Variants in MMP26 observed in about 807,000 individuals in gnomAD.
The protein encoded by MMP26 is matrix metalloproteinase-26.
Under a neutral mutation model 31.0 loss-of-function variants are expected in MMP26, and 33 were observed. That is an observed-to-expected ratio of 1.06 (90% CI 0.81 to 1.42). The LOEUF is 1.42. Among genes scored for constraint, MMP26 ranks in the 40% most tolerant of loss-of-function variants. MMP26 has a pLI of 0.00. For synonymous variants in MMP26, 122 were observed against 114.9 expected (o/e 1.06, Z -0.40); for missense variants, 347 against 316.1 (o/e 1.10, Z -0.74).
intron 2 of MMP26, chr11:4,849,054 G>T (rs35918613): frequency 1.9e-6 from 3 of 1,613,916 alleles, no homozygotes; most frequent in Admixed American, 1.7e-5. Flanking sequence ...CCAGAGGATG[G>T]TGCCATTTCC....
intron 2 of MMP26, among the ~76,000 whole-genome samples, chr11:4,961,413 A>T (rs770865727): frequency 8.5e-5 from 13 of 152,158 alleles, no homozygotes; most frequent in Non-Finnish European, 1.5e-4. Context: ...TCTTACACGC[A>T]CACACTGATC....
intron 2 of MMP26, among the ~76,000 whole-genome samples, chr11:4,815,606 A>C (rs992110227): frequency 6.6e-6 from 1 of 152,202 alleles, no homozygotes; most frequent in South Asian, 2.1e-4. Context: ...GACAGGGAAC[A>C]CAGCAAATTT....
At chr11:4,880,502 G>A (rs536768544) in intron 2 of MMP26, among the ~76,000 whole-genome samples, 1 of 152,154 alleles carries the variant, frequency 6.6e-6, no homozygotes, top group South Asian at 2.1e-4. Context: ...AGAGAAAAAG[G>A]CAAAAGACGA....
intron 2 of MMP26, among the ~76,000 whole-genome samples, chr11:4,931,301 A>G (rs1251019910): frequency 3.3e-5 from 5 of 152,038 alleles, no homozygotes; most frequent in Non-Finnish European, 7.4e-5. Context: ...GAATTGGTAA[A>G]CATCCCACTT....
intron 2 of MMP26, among the ~76,000 whole-genome samples, chr11:4,986,201 A>AT (rs957961501): frequency 6.6e-6 from 1 of 151,752 alleles, no homozygotes; most frequent in Non-Finnish European, 1.5e-5. Context: ...TTTGAGTCTC[A>AT]TTTTTTTTAA....
chr11:4,718,682 C>G (rs1317400703), intron 1 of MMP26: 1 of 155,186 alleles, frequency 6.4e-6, no homozygotes, highest in Non-Finnish European at 1.5e-5. Flanking sequence ...GGGCTGGAAG[C>G]CTTCCACACC....
At chr11:4,880,431 GA>G (rs1850443466) in intron 2 of MMP26, among the ~76,000 whole-genome samples, 2 of 152,150 alleles carry the variant, frequency 1.3e-5, no homozygotes, top group East Asian at 1.9e-4. Flanking sequence ...TGAAGAAAGG[GA>G]GGGGTGTAAC....
chr11:4,784,837 G>A (rs546987949), intron 2 of MMP26, among the ~76,000 whole-genome samples: 11 of 152,238 alleles, frequency 7.2e-5, no homozygotes, highest in African/African-American at 2.6e-4. Flanking sequence ...CGTAATAATT[G>A]TACATATTTA....
intron 2 of MMP26, among the ~76,000 whole-genome samples, chr11:4,833,723 G>A (rs1180937249): frequency 6.6e-6 from 1 of 152,108 alleles, no homozygotes; most frequent in Non-Finnish European, 1.5e-5. Context: ...GATGTGAAAG[G>A]GAAACATAGA....
At chr11:4,956,756 T>A (rs1846449592) in intron 2 of MMP26, among the ~76,000 whole-genome samples, 1 of 152,138 alleles carries the variant, frequency 6.6e-6, no homozygotes, top group African/African-American at 2.4e-5. Context: ...CTTAGACAAG[T>A]TTTTCTCCCT....
At chr11:4,888,536 TA>T (rs1850574201) in intron 2 of MMP26, among the ~76,000 whole-genome samples, 1 of 152,122 alleles carries the variant, frequency 6.6e-6, no homozygotes, top group Admixed American at 6.6e-5. Context: ...ATCAGTGCTT[TA>T]AAAAATGCTG....
At chr11:4,827,603 C>T (rs1849594957) in intron 2 of MMP26, among the ~76,000 whole-genome samples, 1 of 151,598 alleles carries the variant, frequency 6.6e-6, no homozygotes, top group Non-Finnish European at 1.5e-5. Context: ...AGTTTACACC[C>T]TTTTATGTTA....
intron 2 of MMP26, among the ~76,000 whole-genome samples, chr11:4,863,103 C>T (rs1171114979): frequency 2.6e-5 from 4 of 152,090 alleles, no homozygotes; most frequent in African/African-American, 7.2e-5. Flanking sequence ...TTTAACATTC[C>T]TTAAGTTCTG....
At chr11:4,915,034 A>C in intron 2 of MMP26, 1 of 1,614,166 alleles carries the variant, frequency 6.2e-7, no homozygotes, top group Non-Finnish European at 8.5e-7. Context: ...TACCCACTGT[A>C]GAGACGATGA....
At chr11:4,844,549 G>T (rs1258017669) in intron 2 of MMP26, among the ~76,000 whole-genome samples, 1 of 152,048 alleles carries the variant, frequency 6.6e-6, no homozygotes, top group African/African-American at 2.4e-5. Flanking sequence ...AAAAACATTA[G>T]AAAGATAATT....
intron 2 of MMP26, among the ~76,000 whole-genome samples, chr11:4,900,532 C>T (rs1443909702): frequency 6.6e-6 from 1 of 152,100 alleles, no homozygotes; most frequent in Non-Finnish European, 1.5e-5. Context: ...TTCATCCTGC[C>T]ACTATAGCTA....
At chr11:4,921,329 C>T (rs1851181298) in intron 2 of MMP26, among the ~76,000 whole-genome samples, 1 of 152,096 alleles carries the variant, frequency 6.6e-6, no homozygotes, top group African/African-American at 2.4e-5. Context: ...CTGACTTTTC[C>T]AAAAGAGGCC....
chr11:4,716,629 CAT>C (rs1847933351), intron 1 of MMP26, among the ~76,000 whole-genome samples: 1 of 138,036 alleles, frequency 7.2e-6, no homozygotes, highest in Non-Finnish European at 1.5e-5. Flanking sequence ...AAGATAATTC[CAT>C]ACTTGATCTC....
intron 1 of MMP26, among the ~76,000 whole-genome samples, chr11:4,721,200 G>A (rs1848007205): frequency 6.6e-6 from 1 of 152,182 alleles, no homozygotes; most frequent in South Asian, 2.1e-4. Context: ...CCACAATGGA[G>A]TAAGGTGCTT....
Sources: allele counts gnomAD v4.1 joint callset (sites outside exome capture counted in the v4.1 genomes callset), GRCh38; gene constraint gnomAD v4.1.1; transcripts MANE v1.5; gene names NCBI Gene and HGNC (gene_info 2026-07-23, HGNC 2026-07-21).